Variants in GALNT10 observed in about 807,000 individuals in gnomAD.
The protein encoded by GALNT10 is GalNAc transferase 10.
A neutral mutation model predicts 75.0 loss-of-function variants in GALNT10; 41 were observed. That is an observed-to-expected ratio of 0.55 (90% CI 0.43 to 0.71). The LOEUF is 0.71. Among genes scored for constraint, GALNT10 ranks in the 30% least tolerant of loss-of-function variants. GALNT10 has a pLI of 0.00. For synonymous variants in GALNT10, 302 were observed against 313.0 expected, an observed-to-expected ratio of 0.96 and a Z score of 0.37; for missense variants, 727 against 818.5, an observed-to-expected ratio of 0.89 and a Z score of 1.36.
At chr5:154,279,404 A>G (rs1754005211) in intron 1 of GALNT10, among the ~76,000 whole-genome samples, 1 of 151,410 alleles carries the variant, frequency 6.6e-6, no homozygotes, top group Non-Finnish European at 1.5e-5. Flanking sequence ...CCCAGGTTCA[A>G]GTAATTCTCC....
chr5:154,253,002 G>GTTTTTTTTTTTTTTTTTTTTTTTTGT (rs373849888), intron 1 of GALNT10, among the ~76,000 whole-genome samples: 1 of 89,862 alleles, frequency 1.1e-5, no homozygotes. Flanking sequence ...TTTTTTAGTG[G>GTTTTTTTTTTTTTTTTTTTTTTTTGT]TTTTTTTTTT....
chr5:154,386,279 T>C (rs751138204), intron 6 of GALNT10, 34 bp from the exon 7 acceptor site: 2 of 1,488,734 alleles, frequency 1.3e-6, no homozygotes, highest in South Asian at 2.3e-5. Flanking sequence ...CCAGGACATC[T>C]GCACCTTCAC....
At chr5:154,358,272 G>A (rs1303839678) in intron 4 of GALNT10, among the ~76,000 whole-genome samples, 1 of 152,116 alleles carries the variant, frequency 6.6e-6, no homozygotes, top group Non-Finnish European at 1.5e-5. Context: ...AATGCAAATT[G>A]GGAAAGTGGG....
intron 4 of GALNT10, chr5:154,338,088 C>A: frequency 1.7e-6 from 2 of 1,159,764 alleles, no homozygotes; most frequent in Non-Finnish European, 2.6e-6. Flanking sequence ...TCAGCATCTT[C>A]TTTAATGCCA....
chr5:154,400,551 G>A (rs1582013194), intron 7 of GALNT10, among the ~76,000 whole-genome samples: 4 of 152,360 alleles, frequency 2.6e-5, no homozygotes. Flanking sequence ...TGGAAGGACA[G>A]TCCCCAATAG....
At chr5:154,378,349 CG>C (rs1322908065) in intron 5 of GALNT10, among the ~76,000 whole-genome samples, 2 of 83,260 alleles carry the variant, frequency 2.4e-5, no homozygotes, top group African/African-American at 1.0e-4. Context: ...ATCATTATCA[CG>C]GCTCTCATAA....
chr5:154,313,892 T>G (rs952293213), intron 3 of GALNT10, among the ~76,000 whole-genome samples: 2 of 152,176 alleles, frequency 1.3e-5, no homozygotes, highest in African/African-American at 4.8e-5. Flanking sequence ...AAGACTCAGT[T>G]TCTGCCTCTT....
chr5:154,238,561 A>G lies in GALNT10; in HGVS notation c.159+47536A>G, dbSNP rs186792260. Among the ~76,000 whole-genome samples the G allele has an allele frequency of 1.7e-3, 258 of 152,198 alleles. 1 individual carries two copies. Among genetic ancestry groups the G allele is most frequent in the African/African-American group, 5.9e-3 (245 of 41,538 alleles). ...CTTTACCCTGGTCATTATTAGGATTATTGCTGTGATTATTAAACGCTGATT... is the reference window on the plus strand; with the variant it reads ...CTTTACCCTGGTCATTATTAGGATTGTTGCTGTGATTATTAAACGCTGATT... On this transcript the variant is annotated intron_variant, in intron 1 of 11. Transcript: ENST00000297107.
At chr5:154,233,795 C>A (rs1381302231) in intron 1 of GALNT10, among the ~76,000 whole-genome samples, 2 of 152,182 alleles carry the variant, frequency 1.3e-5, no homozygotes, top group East Asian at 3.8e-4. Flanking sequence ...TGCTGGGAGA[C>A]TGTAATGGCA....
chr5:154,207,415 C>T (rs1215900186), intron 1 of GALNT10, among the ~76,000 whole-genome samples: 1 of 152,190 alleles, frequency 6.6e-6, no homozygotes, highest in Admixed American at 6.5e-5. Flanking sequence ...CAAGGTCACA[C>T]AGCTGGTCAC....
intron 4 of GALNT10, chr5:154,347,183 CTGAT>C (rs1173791708): frequency 7.8e-6 from 4 of 510,832 alleles, no homozygotes; most frequent in South Asian, 1.5e-5. Context: ...CTGGCATTGT[CTGAT>C]ATACAACAGT....
chr5:154,412,693 T>C lies in GALNT10; in HGVS notation c.1387-196T>C. 1 of 581,744 alleles carries C rather than the reference T, an allele frequency of 1.7e-6. No individual in the cohort carries two copies. The highest frequency in any genetic ancestry group is 3.1e-6 in the Non-Finnish European group (1 of 320,780). The allele number at this position is 581,744 out of a possible 1,614,324, so 36.0% of individuals were successfully genotyped here. ...ACTACTTACAGCAGTGCTTTAAGGA[T>C]TACATTCTGTGGACTGAGTCTTCCT... On this transcript the variant is annotated intron_variant, in intron 9 of 11. Transcript: ENST00000297107. This position sits in a 1 kb window ranked among gnomAD's most constrained non-coding sequence, Gnocchi z 4.2.
chr5:154,233,906 T>C (rs1449973664), intron 1 of GALNT10, among the ~76,000 whole-genome samples: 1 of 152,176 alleles, frequency 6.6e-6, no homozygotes, highest in African/African-American at 2.4e-5. Flanking sequence ...CCTTATTATC[T>C]GACCAGATGT....
intron 4 of GALNT10, chr5:154,356,375 G>C (rs1424664451): frequency 2.3e-5 from 8 of 353,198 alleles, no homozygotes; most frequent in Non-Finnish European, 4.5e-5. Context: ...GAGGGCTGGG[G>C]GTTGGGTATG....
intron 1 of GALNT10, among the ~76,000 whole-genome samples, chr5:154,207,974 A>C (rs1460636536): frequency 1.3e-5 from 2 of 152,080 alleles, no homozygotes; most frequent in African/African-American, 4.8e-5. Context: ...CATGTTGTCA[A>C]CCACTGTCAG....
chr5:154,265,629 T>C (rs534264659), intron 1 of GALNT10, among the ~76,000 whole-genome samples: 1 of 152,312 alleles, frequency 6.6e-6, no homozygotes, highest in Admixed American at 6.5e-5. Context: ...TCCCAAGTTA[T>C]TACCCTCCTA....
chr5:154,291,853 C>A (rs1754199448), intron 1 of GALNT10, among the ~76,000 whole-genome samples: 1 of 152,104 alleles, frequency 6.6e-6, no homozygotes, highest in Admixed American at 6.6e-5. Context: ...ATATGGGAGG[C>A]AGGTGAAATG....
intron 4 of GALNT10, among the ~76,000 whole-genome samples, chr5:154,350,026 C>A (rs1437259092): frequency 6.6e-6 from 1 of 152,248 alleles, no homozygotes; most frequent in Non-Finnish European, 1.5e-5. Flanking sequence ...GTAACTGAGA[C>A]AGCACAGATA....
intron 4 of GALNT10, among the ~76,000 whole-genome samples, chr5:154,339,729 T>G (rs1193794178): frequency 6.6e-6 from 1 of 152,236 alleles, no homozygotes; most frequent in Non-Finnish European, 1.5e-5. Context: ...TTTTAAAAAC[T>G]TGGTGCAGTA....
Sources: allele counts gnomAD v4.1 joint callset (sites outside exome capture counted in the v4.1 genomes callset), GRCh38; gene constraint gnomAD v4.1.1; non-coding constraint Gnocchi (gnomAD v3.1); transcripts MANE v1.5; gene names NCBI Gene and HGNC (gene_info 2026-07-23, HGNC 2026-07-21).